Variants in AUTS2 observed in about 807,000 individuals in gnomAD.
AUTS2 encodes the protein activator of transcription and developmental regulator AUTS2, also known as autism susceptibility gene 2 protein.
In AUTS2, 17 loss-of-function variants were observed where a neutral mutation model predicts 112.4. The ratio of observed to expected loss-of-function variants is 0.15; its 90% confidence interval spans 0.10 to 0.23. The LOEUF is 0.23. Among genes scored for constraint, AUTS2 ranks in the 10% least tolerant of loss-of-function variants. The probability of loss-of-function intolerance (pLI) is 1.00; values close to 1 mark genes in which losing one functional copy is unlikely to be tolerated. For synonymous variants in AUTS2, 751 were observed against 702.7 expected, an observed-to-expected ratio of 1.07 and a Z score of -1.09; for missense variants, 1,510 against 1,701.6, an observed-to-expected ratio of 0.89 and a Z score of 1.98.
At position 70,185,819 on chromosome 7, in the gene AUTS2, T is replaced by C. The variant is rs543662642; in HGVS notation, c.660+51248T>C. Among the ~76,000 whole-genome samples, 4 of 152,336 alleles carry C rather than the reference T, an allele frequency of 2.6e-5. No individual in the cohort carries two copies. The East Asian group carries it at 7.7e-4, about 29-fold the overall frequency. ...GCCTCACATCATTCTTGGAATATGT[T>C]GTCACTAGTGTCATCAGTGGGGCCT... On this transcript the variant is annotated intron_variant, in intron 4 of 18. Coordinates refer to ENST00000342771, the MANE Select transcript of AUTS2 (RefSeq NM_015570.4).
intron 5 of AUTS2, among the ~76,000 whole-genome samples, chr7:70,569,215 C>T (rs1242276352): frequency 6.6e-6 from 1 of 152,220 alleles, no homozygotes; most frequent in Non-Finnish European, 1.5e-5. Flanking sequence ...CAGAAACAGG[C>T]AGCCAGCACG....
At chr7:70,665,449 A>ATCTATTTT (rs2129543370) in intron 5 of AUTS2, among the ~76,000 whole-genome samples, 1 of 137,954 alleles carries the variant, frequency 7.2e-6, no homozygotes, top group African/African-American at 2.9e-5. Context: ...TTATCTATTT[A>ATCTATTTT]TCTATTTATT....
At chr7:70,659,687 G>A (rs957332355) in intron 5 of AUTS2, among the ~76,000 whole-genome samples, 4 of 152,216 alleles carry the variant, frequency 2.6e-5, no homozygotes, top group Non-Finnish European at 4.4e-5. Flanking sequence ...AGAGATCAGA[G>A]TCCCTGCCTT....
intron 2 of AUTS2, among the ~76,000 whole-genome samples, chr7:69,916,678 G>A (rs1248507581): frequency 6.6e-6 from 1 of 152,140 alleles, no homozygotes; most frequent in Non-Finnish European, 1.5e-5. Context: ...AAACCTGCAA[G>A]TCAAACTCCT....
intron 1 of AUTS2, among the ~76,000 whole-genome samples, chr7:69,832,713 G>A (rs1245179071): frequency 1.3e-5 from 2 of 152,202 alleles, no homozygotes; most frequent in Admixed American, 6.5e-5. Context: ...TTTGCTTGGA[G>A]ATTCTTGCCA....
chr7:70,263,563 C>T (rs1787267696), intron 4 of AUTS2, among the ~76,000 whole-genome samples: 1 of 152,138 alleles, frequency 6.6e-6, no homozygotes, highest in Admixed American at 6.6e-5. Flanking sequence ...ATATGAAGCT[C>T]AAAGCATTAG....
At chr7:70,528,885 G>A (rs1799965731) in intron 5 of AUTS2, among the ~76,000 whole-genome samples, 2 of 152,108 alleles carry the variant, frequency 1.3e-5, no homozygotes, top group South Asian at 2.1e-4. Context: ...GAACAAAAAA[G>A]TAAGGGTGGG....
intron 2 of AUTS2, among the ~76,000 whole-genome samples, chr7:69,902,823 G>C (rs956838585): frequency 1.3e-5 from 2 of 152,124 alleles, no homozygotes; most frequent in Non-Finnish European, 2.9e-5. Flanking sequence ...CTTTTAAACT[G>C]ACACTTATTT....
intron 5 of AUTS2, among the ~76,000 whole-genome samples, chr7:70,513,577 T>C (rs936426012): frequency 1.3e-5 from 2 of 152,182 alleles, no homozygotes; most frequent in Non-Finnish European, 2.9e-5. Flanking sequence ...AATCCACCTT[T>C]TGCCCTTAGG....
chr7:70,277,944 GTGTGTATGTATGTA>G (rs1373180299), intron 4 of AUTS2, among the ~76,000 whole-genome samples: 1 of 132,346 alleles, frequency 7.6e-6, no homozygotes, highest in African/African-American at 3.3e-5. Context: ...GTGTGTGTGT[GTGTGTATGTATGTA>G]TGTGTGTGTG....
chr7:70,325,404 A>G (rs1004216820), intron 4 of AUTS2, among the ~76,000 whole-genome samples: 1 of 152,150 alleles, frequency 6.6e-6, no homozygotes, highest in Non-Finnish European at 1.5e-5. Flanking sequence ...AAAATTTGAA[A>G]CCCACTCTCC....
intron 1 of AUTS2, among the ~76,000 whole-genome samples, chr7:69,774,714 G>A (rs923312310): frequency 2.0e-5 from 3 of 152,222 alleles, no homozygotes; most frequent in African/African-American, 7.2e-5. Context: ...TCAACAAATA[G>A]TGTACTTAGA....
intron 1 of AUTS2, among the ~76,000 whole-genome samples, chr7:69,891,767 CAG>C (rs1237228022): frequency 7.2e-5 from 7 of 96,608 alleles, no homozygotes; most frequent in African/African-American, 2.6e-4. Flanking sequence ...ACTTTCCAGA[CAG>C]ATATCTTTTT....
At chr7:69,645,782 A>G (rs1319845110) in intron 1 of AUTS2, among the ~76,000 whole-genome samples, 1 of 151,798 alleles carries the variant, frequency 6.6e-6, no homozygotes, top group South Asian at 2.1e-4. Context: ...AGAGACTTCC[A>G]GTCTGGGGCT....
At chr7:70,215,451 A>G (rs751301724) in intron 4 of AUTS2, among the ~76,000 whole-genome samples, 1 of 152,220 alleles carries the variant, frequency 6.6e-6, no homozygotes, top group Non-Finnish European at 1.5e-5. Flanking sequence ...TTCTAAGGTC[A>G]GTGAGAACTG....
chr7:70,517,533 GCATATACA>G (rs1193855776), intron 5 of AUTS2, among the ~76,000 whole-genome samples: 1 of 49,792 alleles, frequency 2.0e-5, no homozygotes, highest in African/African-American at 8.1e-5. Context: ...TATACAAATT[GCATATACA>G]CATATATACA....
chr7:69,790,632 G>A (rs1789571218), intron 1 of AUTS2, among the ~76,000 whole-genome samples: 1 of 152,154 alleles, frequency 6.6e-6, no homozygotes, highest in Non-Finnish European at 1.5e-5. Context: ...GGATTGTTTT[G>A]AAGATTGAGA....
chr7:70,690,714 G>A (rs1179121758), intron 5 of AUTS2, among the ~76,000 whole-genome samples: 1 of 152,178 alleles, frequency 6.6e-6, no homozygotes, highest in African/African-American at 2.4e-5. Flanking sequence ...TGTAATCCCA[G>A]TACTTTGGGA....
At chr7:70,076,471 A>G (rs142233457) in intron 2 of AUTS2, among the ~76,000 whole-genome samples, 10 of 152,314 alleles carry the variant, frequency 6.6e-5, no homozygotes, top group Admixed American at 2.0e-4. Flanking sequence ...GTTTCCAAGA[A>G]CCTATTGACT....
Sources: allele counts gnomAD v4.1 joint callset (sites outside exome capture counted in the v4.1 genomes callset), GRCh38; gene constraint gnomAD v4.1.1; transcripts MANE v1.5; gene names NCBI Gene and HGNC (gene_info 2026-07-23, HGNC 2026-07-21).